Variants in DHX57 observed in about 807,000 individuals in gnomAD.
DHX57 encodes putative ATP-dependent RNA helicase DHX57.
In DHX57, 105 loss-of-function variants were observed where a neutral mutation model predicts 156.2. The observed-to-expected ratio is 0.67, with a 90% CI of 0.57 to 0.79. The LOEUF (loss-of-function observed/expected upper bound fraction) is 0.79. DHX57 is among the 30% of genes least tolerant of loss of function. DHX57 has a pLI of 0.00. For missense variants in DHX57, 1,847 were observed against 1,661.9 expected (o/e 1.11, Z -1.94); for synonymous variants, 704 against 595.6 (o/e 1.18, Z -2.65).
intron 14 of DHX57, among the ~76,000 whole-genome samples, chr2:38,827,482 T>G: frequency 2.5e-4 from 1 of 4,016 alleles, no homozygotes; most frequent in Non-Finnish European, 1.6e-3. Context: ...CGAGACTCTG[T>G]CTCAAAAAAA....
At chr2:38,846,024 C>A (rs1672265772) in intron 11 of DHX57, among the ~76,000 whole-genome samples, 1 of 152,070 alleles carries the variant, frequency 6.6e-6, no homozygotes, top group Non-Finnish European at 1.5e-5. Context: ...CACCACCATG[C>A]CCAGCTAACT....
chr2:38,875,705 C>G (rs1027670260), intron 1 of DHX57, 82 bp downstream of exon 1: 2 of 225,900 alleles, frequency 8.9e-6, no homozygotes, highest in African/African-American at 4.5e-5. Context: ...GAGCAGGAGG[C>G]GGCAGACACA....
In DHX57 at chr2:38,823,277, G is replaced by T. The variant is rs773321718; in HGVS notation, c.3015-8C>A. 3.7e-6 allele frequency: 6 copies of T among 1,607,126 alleles called. No individual in the cohort carries two copies. The highest frequency in any genetic ancestry group is 5.1e-6 in the Non-Finnish European group (6 of 1,174,594). On this transcript the variant is annotated splice_polypyrimidine_tract_variant and splice_region_variant and intron_variant, in intron 16 of 23. Transcript: ENST00000457308. ...ATCTCTAAAATTTTAATTCTGAAAA[G>T]GAAACAAAATAATAATTTGTCAATT...
chr2:38,845,366 A>G (rs996546666), intron 11 of DHX57, among the ~76,000 whole-genome samples: 1 of 152,184 alleles, frequency 6.6e-6, no homozygotes, highest in Admixed American at 6.6e-5. Context: ...AAGCTCCCTA[A>G]GTATCCTTAT....
At chr2:38,825,442 A>G (rs956903705) in intron 16 of DHX57, among the ~76,000 whole-genome samples, 1 of 152,164 alleles carries the variant, frequency 6.6e-6, no homozygotes, top group Non-Finnish European at 1.5e-5. Context: ...AGCTGGGATT[A>G]CAGGTGTGTG....
intron 9 of DHX57, among the ~76,000 whole-genome samples, chr2:38,852,749 G>C (rs753624628): frequency 6.6e-6 from 1 of 151,852 alleles, no homozygotes; most frequent in African/African-American, 2.4e-5. Context: ...TCAGTAGCTG[G>C]AACTACAAGC....
chr2:38,826,746 A>G, intron 14 of DHX57, 57 bp from the exon 15 acceptor site: 3 of 1,557,860 alleles, frequency 1.9e-6, no homozygotes, highest in Non-Finnish European at 2.6e-6. Flanking sequence ...AAACTAGATT[A>G]CAGTAGGTGA....
rs771077385 is a variant in DHX57 at position 38,858,698 on chromosome 2, T to C, written c.1550A>G (p.Glu517Gly). The stretch of plus-strand genomic sequence containing the variant: ...GAACTGCTTGCAGATTTTACCATTT[T>C]CAGCATGTACTGACTTTGCCTGCCA... Reference protein sequence around the residue: ...YDWQAKSVHAENGKICKQFRM... With the variant: ...YDWQAKSVHAGNGKICKQFRM... Residue 517 changes from glutamate (E) to glycine (G), a missense_variant, in exon 6 of 24, where the codon GAA becomes GGA. Transcript: ENST00000457308. The C allele has an allele frequency of 4.3e-6, 7 of 1,613,748 alleles. No homozygotes were observed. The highest frequency in any genetic ancestry group is 5.1e-6 in the Non-Finnish European group (6 of 1,179,944).
intron 5 of DHX57, 46 bp downstream of exon 5, chr2:38,860,953 C>A: frequency 6.5e-7 from 1 of 1,537,260 alleles, no homozygotes; most frequent in Non-Finnish European, 8.9e-7. Context: ...ACTTCTAAAC[C>A]CATCATTCTG....
chr2:38,845,111 C>A (rs1385215063), intron 11 of DHX57, among the ~76,000 whole-genome samples: 1 of 151,926 alleles, frequency 6.6e-6, no homozygotes, highest in Non-Finnish European at 1.5e-5. Context: ...GTAACAGGAT[C>A]ACTTGGGCCT....
intron 21 of DHX57, among the ~76,000 whole-genome samples, chr2:38,810,158 G>C (rs1670166688): frequency 6.6e-6 from 1 of 151,038 alleles, no homozygotes; most frequent in Non-Finnish European, 1.5e-5. Flanking sequence ...GTCTCCCAAA[G>C]TGCAGGGATT....
intron 12 of DHX57, among the ~76,000 whole-genome samples, chr2:38,839,183 G>A (rs1331722860): frequency 6.6e-6 from 1 of 151,566 alleles, no homozygotes; most frequent in African/African-American, 2.4e-5. Context: ...ACCCGCCTCG[G>A]CCTCCCAAAC....
At chr2:38,824,385 G>A (rs12712622) in intron 16 of DHX57, among the ~76,000 whole-genome samples, 84,221 of 151,930 alleles carry the variant, frequency 0.55, 25,022 homozygotes, top group East Asian at 0.8. Context: ...AGTCCAATAG[G>A]TATAAAGTTT....
chr2:38,805,786 G>A (rs1669907042), intron 22 of DHX57, among the ~76,000 whole-genome samples: 1 of 152,038 alleles, frequency 6.6e-6, no homozygotes, highest in Non-Finnish European at 1.5e-5. Context: ...ACTTCTAGCT[G>A]ATGTTTTCCA....
In DHX57 at chr2:38,848,252, T is replaced by G; in HGVS notation, c.2164+17A>C. 6.4e-7 allele frequency: 1 copy of G among 1,568,764 alleles called. No individual in the cohort carries two copies. Among genetic ancestry groups the G allele is most frequent in the Non-Finnish European group, 8.6e-7 (1 of 1,161,292 alleles). On this transcript the variant is annotated intron_variant, in intron 10 of 23. Coordinates refer to ENST00000457308, the MANE Select transcript of DHX57 (RefSeq NM_198963.3). ...GCTTATTAGAATGATACATATTTAA[T>G]GATGCATTTTATTCACCTGGTATAG...
intron 2 of DHX57, among the ~76,000 whole-genome samples, chr2:38,864,852 T>C (rs535186135): frequency 1.3e-5 from 2 of 152,332 alleles, no homozygotes; most frequent in Admixed American, 6.5e-5. Flanking sequence ...CCAATCAGTA[T>C]TTCCTATGCT....
At chr2:38,832,299 G>T (rs549439151) in intron 13 of DHX57, among the ~76,000 whole-genome samples, 17 of 151,802 alleles carry the variant, frequency 1.1e-4, no homozygotes, top group Admixed American at 8.5e-4. Flanking sequence ...AATTAGCTGG[G>T]TGTGGTGGCA....
intron 2 of DHX57, among the ~76,000 whole-genome samples, chr2:38,866,799 G>T (rs748605180): frequency 1.3e-5 from 2 of 152,160 alleles, no homozygotes; most frequent in African/African-American, 4.8e-5. Context: ...AGTGGCTCAC[G>T]CCTGTAATTC....
intron 11 of DHX57, among the ~76,000 whole-genome samples, chr2:38,846,043 C>T (rs1341771810): frequency 1.3e-5 from 2 of 151,752 alleles, no homozygotes; most frequent in African/African-American, 4.8e-5. Flanking sequence ...CTTTTGTATT[C>T]GTAGTAGAGA....
Sources: allele counts gnomAD v4.1 joint callset (sites outside exome capture counted in the v4.1 genomes callset), GRCh38; gene constraint gnomAD v4.1.1; transcripts MANE v1.5; gene names NCBI Gene and HGNC (gene_info 2026-07-23, HGNC 2026-07-21).